Variants in ADAMTSL1 observed in about 807,000 individuals in gnomAD.
The protein encoded by ADAMTSL1 is ADAMTS like 1.
In ADAMTSL1, 126 loss-of-function variants were observed where a neutral mutation model predicts 201.8. The observed-to-expected ratio is 0.62, with a 90% CI of 0.54 to 0.72. The LOEUF (loss-of-function observed/expected upper bound fraction) is 0.72. ADAMTSL1 is among the 30% of genes least tolerant of loss of function. The pLI is 0.00. For synonymous variants in ADAMTSL1, 1,121 were observed against 903.4 expected, an observed-to-expected ratio of 1.24 and a Z score of -4.32; for missense variants, 2,679 against 2,277.8, an observed-to-expected ratio of 1.18 and a Z score of -3.59.
intron 4 of ADAMTSL1, among the ~76,000 whole-genome samples, chr9:18,580,245 G>C (rs1319024506): frequency 6.6e-6 from 1 of 152,124 alleles, no homozygotes; most frequent in Non-Finnish European, 1.5e-5. Context: ...ACAGAGTTTT[G>C]ATGTCTTTAT....
intron 13 of ADAMTSL1, among the ~76,000 whole-genome samples, chr9:18,696,562 G>A (rs1831561654): frequency 6.6e-6 from 1 of 152,180 alleles, no homozygotes; most frequent in Admixed American, 6.5e-5. Context: ...AGTGACAGAG[G>A]AAGAAAATAG....
At chr9:18,164,686 C>A (rs770188796) in intron 2 of ADAMTSL1, among the ~76,000 whole-genome samples, 1 of 151,810 alleles carries the variant, frequency 6.6e-6, no homozygotes, top group African/African-American at 2.4e-5. Context: ...GCCGTATATA[C>A]AAGCTAGTGG....
intron 1 of ADAMTSL1, among the ~76,000 whole-genome samples, chr9:18,095,440 T>TTTTG (rs1563997396): frequency 1.5e-5 from 2 of 137,756 alleles, no homozygotes; most frequent in Non-Finnish European, 3.1e-5. Flanking sequence ...TTTTTTTTTT[T>TTTTG]GACACAGAGT....
chr9:18,594,666 T>C (rs537545277), intron 4 of ADAMTSL1, among the ~76,000 whole-genome samples: 6 of 152,228 alleles, frequency 3.9e-5, no homozygotes, highest in African/African-American at 1.4e-4. Flanking sequence ...TTTTTAAAAA[T>C]TATTTTAATT....
At chr9:18,760,251 A>G (rs971781192) in intron 16 of ADAMTSL1, among the ~76,000 whole-genome samples, 1 of 151,996 alleles carries the variant, frequency 6.6e-6, no homozygotes, top group Non-Finnish European at 1.5e-5. Context: ...CATCTTCTAT[A>G]TCTCCCCCAC....
At chr9:18,055,595 CCACAAAGTCTTT>C (rs1822147041) in intron 1 of ADAMTSL1, among the ~76,000 whole-genome samples, 1 of 152,198 alleles carries the variant, frequency 6.6e-6, no homozygotes. Context: ...TTCTAAAATT[CCACAAAGTCTTT>C]CAAAGTAACA....
At chr9:18,016,076 T>C (rs928774137) in intron 1 of ADAMTSL1, among the ~76,000 whole-genome samples, 7 of 152,052 alleles carry the variant, frequency 4.6e-5, no homozygotes, top group African/African-American at 1.7e-4. Flanking sequence ...CTTAATAACT[T>C]CCTCAAGGAT....
intron 2 of ADAMTSL1, among the ~76,000 whole-genome samples, chr9:18,386,216 A>G (rs1299536858): frequency 6.6e-6 from 1 of 152,206 alleles, no homozygotes; most frequent in African/African-American, 2.4e-5. Flanking sequence ...ACTTGAAAAT[A>G]TACTGTTGGT....
At chr9:18,634,414 C>G (rs545622983) in intron 5 of ADAMTSL1, among the ~76,000 whole-genome samples, 2 of 151,986 alleles carry the variant, frequency 1.3e-5, no homozygotes, top group East Asian at 3.9e-4. Context: ...ATTACAAAAA[C>G]CATCTGGGCG....
At chr9:18,724,228 G>A (rs963790079) in intron 15 of ADAMTSL1, among the ~76,000 whole-genome samples, 2 of 152,166 alleles carry the variant, frequency 1.3e-5, no homozygotes, top group African/African-American at 2.4e-5. Context: ...TTCCCAGGCA[G>A]TTGTTAGTCC....
At chr9:18,115,422 C>T (rs1825209711) in intron 1 of ADAMTSL1, among the ~76,000 whole-genome samples, 1 of 151,986 alleles carries the variant, frequency 6.6e-6, no homozygotes, top group African/African-American at 2.4e-5. Context: ...AACAAGTCTA[C>T]AATTATGGGA....
chr9:18,902,267 G>T (rs1019654290), intron 26 of ADAMTSL1, among the ~76,000 whole-genome samples: 1 of 152,146 alleles, frequency 6.6e-6, no homozygotes, highest in African/African-American at 2.4e-5. Context: ...TGGAGCAACA[G>T]ACATACAGAG....
chr9:18,014,947 C>A (rs977877327), intron 1 of ADAMTSL1, among the ~76,000 whole-genome samples: 1 of 151,970 alleles, frequency 6.6e-6, no homozygotes, highest in Admixed American at 6.6e-5. Flanking sequence ...CAAGAAAAGC[C>A]GTGTTAAAGT....
intron 1 of ADAMTSL1, among the ~76,000 whole-genome samples, chr9:17,916,073 C>T (rs572863683): frequency 6.6e-6 from 1 of 152,160 alleles, no homozygotes; most frequent in African/African-American, 2.4e-5. Context: ...GTGCGTGCCA[C>T]CATGCACAGC....
intron 2 of ADAMTSL1, among the ~76,000 whole-genome samples, chr9:18,433,891 G>A (rs1819606330): frequency 6.6e-6 from 1 of 152,204 alleles, no homozygotes. Flanking sequence ...AATACAGAAT[G>A]TGTCCATATA....
At chr9:18,175,547 T>C (rs1244305024) in intron 2 of ADAMTSL1, among the ~76,000 whole-genome samples, 1 of 152,200 alleles carries the variant, frequency 6.6e-6, no homozygotes, top group African/African-American at 2.4e-5. Flanking sequence ...CTTCTGACAA[T>C]ATCCATTTAG....
At chr9:18,658,085 C>T (rs187971501) in intron 8 of ADAMTSL1, among the ~76,000 whole-genome samples, 25 of 151,824 alleles carry the variant, frequency 1.6e-4, no homozygotes, top group African/African-American at 5.8e-4. Flanking sequence ...CGCCATTCTC[C>T]TGCCTCAGCC....
intron 2 of ADAMTSL1, among the ~76,000 whole-genome samples, chr9:18,311,935 C>G (rs571976062): frequency 6.6e-6 from 1 of 152,184 alleles, no homozygotes; most frequent in African/African-American, 2.4e-5. Context: ...GAGAGGACAG[C>G]ATGTGGAAAG....
intron 2 of ADAMTSL1, among the ~76,000 whole-genome samples, chr9:18,206,608 C>G (rs1215262822): frequency 6.6e-6 from 1 of 152,106 alleles, no homozygotes; most frequent in Non-Finnish European, 1.5e-5. Flanking sequence ...CAGATCATGT[C>G]AAAATTATGT....
Sources: allele counts gnomAD v4.1 joint callset (sites outside exome capture counted in the v4.1 genomes callset), GRCh38; gene constraint gnomAD v4.1.1; transcripts MANE v1.5; gene names NCBI Gene and HGNC (gene_info 2026-07-23, HGNC 2026-07-21).